The following ZCWPW2 variants were observed in gnomAD, a reference collection of about 807,000 sequenced individuals.
The protein encoded by ZCWPW2 is zinc finger CW-type PWWP domain protein 2.
A neutral mutation model predicts 46.6 loss-of-function variants in ZCWPW2; 45 were observed. The observed-to-expected ratio is 0.96, with a 90% CI of 0.76 to 1.24. The LOEUF (loss-of-function observed/expected upper bound fraction) is 1.24. ZCWPW2 is among the 50% of genes most tolerant of loss of function. ZCWPW2 has a pLI of 0.00. For missense variants in ZCWPW2, 429 were observed against 403.9 expected, an observed-to-expected ratio of 1.06 and a Z score of -0.53; for synonymous variants, 152 against 137.1, an observed-to-expected ratio of 1.11 and a Z score of -0.76.
chr3:28,430,751 G>A (rs1338987033), intron 3 of ZCWPW2, among the ~76,000 whole-genome samples: 1 of 152,112 alleles, frequency 6.6e-6, no homozygotes, highest in Non-Finnish European at 1.5e-5. Flanking sequence ...ATAATAGTGA[G>A]TTCTCATGAG....
At chr3:28,414,509 A>C (rs1269253030) in intron 3 of ZCWPW2, among the ~76,000 whole-genome samples, 3 of 151,512 alleles carry the variant, frequency 2.0e-5, no homozygotes, top group Non-Finnish European at 4.4e-5. Context: ...CACAACGTGC[A>C]GGTTTGTTAC....
intron 1 of ZCWPW2, among the ~76,000 whole-genome samples, chr3:28,355,792 G>A (rs1415673385): frequency 1.3e-5 from 2 of 152,248 alleles, no homozygotes; most frequent in East Asian, 1.9e-4. Flanking sequence ...AAAGTGGCTA[G>A]CCATATGTAA....
chr3:28,500,962 ATTCACCTTTC>A (rs879556400), intron 6 of ZCWPW2, among the ~76,000 whole-genome samples: 321 of 152,280 alleles, frequency 2.1e-3, no homozygotes, highest in Non-Finnish European at 3.6e-3. Context: ...TGTGGGCATC[ATTCACCTTTC>A]CATAGGCCAG....
intron 4 of ZCWPW2, among the ~76,000 whole-genome samples, chr3:28,446,708 G>GA (rs1169854448): frequency 6.6e-6 from 1 of 151,828 alleles, no homozygotes; most frequent in East Asian, 1.9e-4. Context: ...AAACAATAGA[G>GA]AAAATCAATG....
At chr3:28,524,045 A>T (rs1384792604) in intron 9 of ZCWPW2, among the ~76,000 whole-genome samples, 1 of 152,012 alleles carries the variant, frequency 6.6e-6, no homozygotes, top group Non-Finnish European at 1.5e-5. Flanking sequence ...ATCTTTAATA[A>T]ACTCTGAAGT....
chr3:28,493,306 G>A (rs1475202506), intron 6 of ZCWPW2, among the ~76,000 whole-genome samples: 2 of 56,478 alleles, frequency 3.5e-5, no homozygotes, highest in East Asian at 4.7e-4. Flanking sequence ...CCCCTCCCCC[G>A]ACCCCACCAC....
At chr3:28,503,012 T>C (rs557156006) in intron 6 of ZCWPW2, among the ~76,000 whole-genome samples, 67 of 152,242 alleles carry the variant, frequency 4.4e-4, no homozygotes, top group African/African-American at 1.6e-3. Context: ...TAATGACTAG[T>C]TTTGTATTAA....
chr3:28,397,235 A>G (rs1201161843), intron 2 of ZCWPW2, among the ~76,000 whole-genome samples: 1 of 152,214 alleles, frequency 6.6e-6, no homozygotes, highest in African/African-American at 2.4e-5. Context: ...ATAAAAATGG[A>G]TGCTTCATAA....
intron 3 of ZCWPW2, among the ~76,000 whole-genome samples, chr3:28,421,956 G>A (rs937171555): frequency 4.0e-5 from 6 of 150,930 alleles, no homozygotes; most frequent in African/African-American, 1.5e-4. Context: ...TATGACCCGT[G>A]TTCTTAAATT....
chr3:28,349,711 A>G (rs927145829), intron 1 of ZCWPW2, among the ~76,000 whole-genome samples: 1 of 152,174 alleles, frequency 6.6e-6, no homozygotes, highest in African/African-American at 2.4e-5. Context: ...ACTCTAAGGT[A>G]TTATTGGTTA....
intron 4 of ZCWPW2, among the ~76,000 whole-genome samples, chr3:28,444,441 A>T (rs1697904625): frequency 6.6e-6 from 1 of 152,146 alleles, no homozygotes; most frequent in Admixed American, 6.5e-5. Context: ...AGAAAGGATG[A>T]TGGCAGCATG....
chr3:28,459,273 G>A (rs2125786657), intron 4 of ZCWPW2, among the ~76,000 whole-genome samples: 1 of 152,238 alleles, frequency 6.6e-6, no homozygotes, highest in South Asian at 2.1e-4. Context: ...AGGAGGCTGA[G>A]GCAGGAAAAT....
At chr3:28,499,555 T>C (rs986559100) in intron 6 of ZCWPW2, among the ~76,000 whole-genome samples, 1 of 152,190 alleles carries the variant, frequency 6.6e-6, no homozygotes. Flanking sequence ...ATTAGCCCTT[T>C]GTCAGATGGA....
chr3:28,431,424 G>A (rs1268922853), intron 3 of ZCWPW2, among the ~76,000 whole-genome samples: 2 of 151,976 alleles, frequency 1.3e-5, no homozygotes, highest in African/African-American at 2.4e-5. Flanking sequence ...CCTCTTCTTG[G>A]CTTGCAGATG....
intron 1 of ZCWPW2, among the ~76,000 whole-genome samples, chr3:28,374,973 C>T (rs1275476146): frequency 1.3e-5 from 2 of 151,642 alleles, no homozygotes; most frequent in Non-Finnish European, 2.9e-5. Context: ...CTCTTTAGAT[C>T]TTTAATATTT....
chr3:28,442,705 A>C (rs1233160932), intron 4 of ZCWPW2, among the ~76,000 whole-genome samples: 1 of 152,224 alleles, frequency 6.6e-6, no homozygotes, highest in Non-Finnish European at 1.5e-5. Context: ...ATGAAACCAC[A>C]TCTGGTATAG....
In ZCWPW2 at chr3:28,463,695, T is replaced by C. The variant is rs186981225; in HGVS notation, c.493-15119T>C. On this transcript the variant is annotated intron_variant, in intron 4 of 9. Transcript: ENST00000383768. ...AGGGTGGAGGTTGAACATACAGAAA[T>C]TTTTTGGTGGTGGTACATGCTTGTA... 1.3e-4 allele frequency among the ~76,000 whole-genome samples: 20 copies of C among 152,100 alleles called. No homozygotes were observed. The South Asian group carries it at 1.9e-3, about 14-fold the overall frequency.
intron 6 of ZCWPW2, among the ~76,000 whole-genome samples, chr3:28,512,761 T>C (rs961149182): frequency 1.7e-4 from 25 of 150,890 alleles, no homozygotes; most frequent in Non-Finnish European, 2.1e-4. Context: ...TGACTTGACT[T>C]TTTTTTTTGA....
At chr3:28,487,308 C>T (rs936955890) in intron 5 of ZCWPW2, among the ~76,000 whole-genome samples, 2 of 151,852 alleles carry the variant, frequency 1.3e-5, no homozygotes, top group Non-Finnish European at 2.9e-5. Context: ...AGTCTTTTCT[C>T]TTTTTCAGTT....
Sources: allele counts gnomAD v4.1 joint callset (sites outside exome capture counted in the v4.1 genomes callset), GRCh38; gene constraint gnomAD v4.1.1; transcripts MANE v1.5; gene names NCBI Gene and HGNC (gene_info 2026-07-23, HGNC 2026-07-21).